FIGN: variants seen among roughly 807,000 people sequenced by gnomAD.
The protein encoded by FIGN is fidgetin.
FIGN carries 11 observed loss-of-function variants against 51.3 expected under a neutral mutation model. That is an observed-to-expected ratio of 0.21 (90% CI 0.13 to 0.35). The LOEUF (loss-of-function observed/expected upper bound fraction) is 0.35. Ranked by LOEUF, FIGN falls within the 10% of genes least tolerant of loss-of-function variation. The pLI is 1.00. For synonymous variants in FIGN, 407 were observed against 363.2 expected, an observed-to-expected ratio of 1.12 and a Z score of -1.37; for missense variants, 857 against 943.6, an observed-to-expected ratio of 0.91 and a Z score of 1.20.
At chr2:163,716,831 G>A (rs575760340) in intron 2 of FIGN, among the ~76,000 whole-genome samples, 18 of 151,936 alleles carry the variant, frequency 1.2e-4, no homozygotes, top group South Asian at 6.2e-4. Flanking sequence ...TCTGGAATTC[G>A]TCAAAATTTA....
At chr2:163,636,671 A>C (rs186172193) in intron 2 of FIGN, among the ~76,000 whole-genome samples, 1 of 152,316 alleles carries the variant, frequency 6.6e-6, no homozygotes, top group African/African-American at 2.4e-5. Context: ...GGTAATAGAA[A>C]TTGATGGTAA....
chr2:163,687,492 T>A (rs1040549166), intron 2 of FIGN, among the ~76,000 whole-genome samples: 1 of 152,136 alleles, frequency 6.6e-6, no homozygotes, highest in Non-Finnish European at 1.5e-5. Context: ...AAAGAATAAT[T>A]TATCTTTCCC....
intron 2 of FIGN, among the ~76,000 whole-genome samples, chr2:163,626,528 A>G (rs1683056314): frequency 6.6e-6 from 1 of 152,216 alleles, no homozygotes; most frequent in Non-Finnish European, 1.5e-5. Context: ...AAATAATAAT[A>G]ATAACAATAT....
intron 2 of FIGN, among the ~76,000 whole-genome samples, chr2:163,647,829 T>C (rs986245363): frequency 6.6e-6 from 1 of 152,188 alleles, no homozygotes; most frequent in Non-Finnish European, 1.5e-5. Flanking sequence ...TGTGTAACTA[T>C]ATATGTAGAT....
chr2:163,662,136 C>A (rs1023607609), intron 2 of FIGN, among the ~76,000 whole-genome samples: 3 of 152,068 alleles, frequency 2.0e-5, no homozygotes, highest in Non-Finnish European at 4.4e-5. Flanking sequence ...ATGGTGATAT[C>A]AATATTGACA....
intron 2 of FIGN, among the ~76,000 whole-genome samples, chr2:163,672,251 T>TAAAA (rs200826431): frequency 3.5e-5 from 5 of 143,612 alleles, no homozygotes; most frequent in Non-Finnish European, 6.1e-5. Context: ...TCAATGGCTC[T>TAAAA]AAAAAAAAAA....
At position 163,609,686 on chromosome 2, in the gene FIGN, T is replaced by C; in HGVS notation, c.2146A>G (p.Ile716Val). The stretch of plus-strand genomic sequence containing the variant: ...ACGGGCCTCAACTGGCTGGGCATAA[T>C]GGCTGAAAGGTCTGTGGCTGGCATG... ...HAMPATDLSA[I>V]MPSQLRPVTY... The change falls in exon 3 of 3, where the codon ATT (isoleucine) becomes GTT (valine). Residue 716 changes from isoleucine to valine, a missense_variant. Ile to Val is a conservative substitution (Grantham distance 29, BLOSUM62 3). Transcript: ENST00000333129. The C allele has an allele frequency of 1.9e-6, 3 of 1,614,132 alleles. No individual in the cohort carries two copies. Among genetic ancestry groups the C allele is most frequent in the Non-Finnish European group, 2.5e-6 (3 of 1,180,016 alleles).
intron 2 of FIGN, among the ~76,000 whole-genome samples, chr2:163,632,628 C>T (rs549676195): frequency 7.2e-5 from 11 of 152,190 alleles, no homozygotes; most frequent in Admixed American, 6.5e-5. Flanking sequence ...AAACAACTTC[C>T]TTGAAAGTTT....
intron 2 of FIGN, among the ~76,000 whole-genome samples, chr2:163,638,386 G>T (rs1156405710): frequency 6.6e-6 from 1 of 152,054 alleles, no homozygotes; most frequent in African/African-American, 2.4e-5. Flanking sequence ...TTAGGTTTTA[G>T]TGGGGCTTTA....
chr2:163,609,803 C>G lies in FIGN; in HGVS notation c.2029G>C (p.Glu677Gln). ...GTGCGCTGGACGAGCAGTGCAAACT[C>G]CTTGTCATTGAGACAGTAATTGTGC... ...SQHNYCLNDK[E>Q]FALLVQRTEG... The change falls in exon 3 of 3, where the codon GAG (glutamate) becomes CAG (glutamine). Residue 677 changes from glutamate to glutamine, a missense_variant. By Grantham distance (29) the Glu-to-Gln change is conservative. Transcript: ENST00000333129. 5.6e-6 allele frequency: 9 copies of G among 1,614,112 alleles called. No homozygotes were observed. The highest frequency in any genetic ancestry group is 7.6e-6 in the Non-Finnish European group (9 of 1,180,002).
intron 2 of FIGN, among the ~76,000 whole-genome samples, chr2:163,682,239 A>T (rs929657431): frequency 6.6e-6 from 1 of 152,248 alleles, no homozygotes; most frequent in African/African-American, 2.4e-5. Flanking sequence ...TAAAAATCCC[A>T]TTTGTTTCAT....
intron 2 of FIGN, among the ~76,000 whole-genome samples, chr2:163,717,985 T>C (rs1043761787): frequency 1.3e-5 from 2 of 152,066 alleles, no homozygotes; most frequent in African/African-American, 2.4e-5. Context: ...TGCCAGATGC[T>C]GTCAGTCAGA....
In FIGN at chr2:163,610,686, T is replaced by A; in HGVS notation, c.1146A>T (p.Leu382=). The change falls in exon 3 of 3, where the codon CTA becomes CTT. Residue 382 remains leucine, a synonymous_variant. Transcript: ENST00000333129. ...SSLAFKPTKQ[L]MSSEQQRKFS... is the part of the protein sequence containing the mutation. The stretch of plus-strand genomic sequence containing the variant: ...ATTTCCTTTGCTGTTCAGAGGACAT[T>A]AGCTGCTTCGTTGGCTTAAATGCTA... The A allele has an allele frequency of 1.2e-6, 2 of 1,614,224 alleles. No individual in the cohort carries two copies. The highest frequency in any genetic ancestry group is 1.7e-6 in the Non-Finnish European group (2 of 1,180,030).
intron 2 of FIGN, among the ~76,000 whole-genome samples, chr2:163,640,240 C>G (rs1683287237): frequency 6.6e-6 from 1 of 152,104 alleles, no homozygotes; most frequent in African/African-American, 2.4e-5. Flanking sequence ...ACAGAAAATA[C>G]TGAACTGGAA....
intron 2 of FIGN, among the ~76,000 whole-genome samples, chr2:163,615,328 C>G (rs1386741874): frequency 6.6e-6 from 1 of 151,852 alleles, no homozygotes; most frequent in Non-Finnish European, 1.5e-5. Context: ...CTAATCTAAC[C>G]ACAAACTAAT....
intron 2 of FIGN, among the ~76,000 whole-genome samples, chr2:163,727,497 C>T (rs915759573): frequency 2.6e-5 from 4 of 152,008 alleles, no homozygotes; most frequent in Non-Finnish European, 5.9e-5. Flanking sequence ...GTGTGGAGAG[C>T]AATGCCTTGT....
At chr2:163,616,284 A>G (rs572411068) in intron 2 of FIGN, among the ~76,000 whole-genome samples, 43 of 152,322 alleles carry the variant, frequency 2.8e-4, no homozygotes, top group African/African-American at 9.4e-4. Context: ...ACAGTAATAT[A>G]GAAAAATGAA....
intron 2 of FIGN, among the ~76,000 whole-genome samples, chr2:163,619,437 T>C (rs1426964171): frequency 6.6e-6 from 1 of 152,148 alleles, no homozygotes; most frequent in Non-Finnish European, 1.5e-5. Context: ...ATACTCTGTG[T>C]TTAAACTAAA....
At chr2:163,699,528 A>C (rs1339713797) in intron 2 of FIGN, among the ~76,000 whole-genome samples, 3 of 148,830 alleles carry the variant, frequency 2.0e-5, no homozygotes, top group Admixed American at 6.8e-5. Context: ...GTTCACATGA[A>C]TGTACTTTCT....
Sources: gnomAD v4.1 joint callset for allele counts (sites outside exome capture counted in the v4.1 genomes callset) on GRCh38, gnomAD v4.1.1 for gene constraint, MANE v1.5 for transcripts, NCBI Gene and HGNC (gene_info 2026-07-23, HGNC 2026-07-21) for gene names.